EMID1: variants seen among roughly 807,000 people sequenced by gnomAD.
EMID1 encodes the protein EMI domain containing 1, also known as EMI domain-containing protein 1.
EMID1 carries 40 observed loss-of-function variants against 60.6 expected under a neutral mutation model. The observed-to-expected ratio is 0.66, with a 90% CI of 0.51 to 0.86. The LOEUF (loss-of-function observed/expected upper bound fraction) is 0.86, where lower values mean the gene tolerates loss of function less well. EMID1 is among the 40% of genes least tolerant of loss of function. The probability of loss-of-function intolerance (pLI) is 0.00; values close to 1 mark genes in which losing one functional copy is unlikely to be tolerated. For synonymous variants in EMID1, 242 were observed against 231.0 expected (o/e 1.05, Z -0.43); for missense variants, 585 against 597.1 (o/e 0.98, Z 0.21).
intron 1 of EMID1, among the ~76,000 whole-genome samples, chr22:29,211,817 G>T (rs2039896475): frequency 6.6e-6 from 1 of 152,188 alleles, no homozygotes; most frequent in African/African-American, 2.4e-5. Context: ...AAGCCCCTGG[G>T]CCAGCCTGGT....
At chr22:29,234,240 G>A (rs1270251199) in intron 11 of EMID1, 41 bp downstream of exon 11, 3 of 1,610,318 alleles carry the variant, frequency 1.9e-6, no homozygotes, top group East Asian at 2.2e-5. Flanking sequence ...ATTCTGGGGA[G>A]TCCTGAGGGC....
At chr22:29,257,136 C>T (rs1025357686) in intron 14 of EMID1, among the ~76,000 whole-genome samples, 2 of 152,184 alleles carry the variant, frequency 1.3e-5, no homozygotes, top group Non-Finnish European at 2.9e-5. Flanking sequence ...GTGCCAGACA[C>T]CTCAGAAGTC....
intron 13 of EMID1, among the ~76,000 whole-genome samples, chr22:29,244,823 T>G (rs145501185): frequency 6.6e-6 from 1 of 152,106 alleles, no homozygotes; most frequent in African/African-American, 2.4e-5. Context: ...AAACCATCAC[T>G]GACAGGGGAG....
At chr22:29,240,844 C>A (rs1412706087) in intron 12 of EMID1, among the ~76,000 whole-genome samples, 2 of 152,180 alleles carry the variant, frequency 1.3e-5, no homozygotes, top group Non-Finnish European at 2.9e-5. Flanking sequence ...CTCAAACTGT[C>A]TTTTCTCATT....
chr22:29,258,678 C>T, intron 14 of EMID1, 139 bp from the exon 15 acceptor site: 4 of 1,351,748 alleles, frequency 3.0e-6, no homozygotes, highest in East Asian at 2.5e-5. Flanking sequence ...CCCTTTCCCA[C>T]AGCTCTGCAG....
chr22:29,233,057 A>G (rs780069485), intron 8 of EMID1: 3 of 369,242 alleles, frequency 8.1e-6, no homozygotes, highest in East Asian at 5.0e-5. Context: ...GAAGCCTGGC[A>G]CACAGTAGGT....
chr22:29,255,312 G>A (rs1234993716), intron 14 of EMID1: 1 of 1,520,902 alleles, frequency 6.6e-7, no homozygotes, highest in East Asian at 2.5e-5. Flanking sequence ...AGGCTCAGCT[G>A]GAGCTCCTGG....
At chr22:29,220,404 T>C (rs2040248787) in intron 3 of EMID1, among the ~76,000 whole-genome samples, 1 of 151,826 alleles carries the variant, frequency 6.6e-6, no homozygotes, top group African/African-American at 2.4e-5. Flanking sequence ...GGCTGGAGAG[T>C]TTTTGGAGCT....
Position 29,250,759 on chromosome 22 carries a change from T to C in EMID1, c.1120-3444T>C, listed in dbSNP as rs1218178882. Among the ~76,000 whole-genome samples the C allele has an allele frequency of 3.1e-5, 4 of 129,956 alleles. No homozygotes were observed. In the East Asian group the frequency reaches 9.6e-4, roughly 31 times the overall value. The allele number at this position is 129,956 out of a possible 152,430, so 85.3% of individuals were successfully genotyped here. A position where few individuals can be genotyped will look rare whatever the true frequency, so the allele number is the denominator to read the frequency against. ...TTTTTTTTTTTTTTTTTTTTTTTTT[T>C]TTTTTTTTTAGTAGTAGTAGAGACA... On this transcript the variant is annotated intron_variant, in intron 13 of 14. Coordinates refer to ENST00000334018, the MANE Select transcript of EMID1 (RefSeq NM_133455.4).
intron 5 of EMID1, among the ~76,000 whole-genome samples, chr22:29,226,962 C>T (rs1190310416): frequency 6.6e-6 from 1 of 152,174 alleles, no homozygotes; most frequent in African/African-American, 2.4e-5. Context: ...GGTAGGATCT[C>T]CTGCCTGCCC....
chr22:29,219,329 C>T (rs2040202619), intron 3 of EMID1, among the ~76,000 whole-genome samples: 1 of 152,204 alleles, frequency 6.6e-6, no homozygotes, highest in Non-Finnish European at 1.5e-5. Context: ...CTCCCCTCCC[C>T]ATGGGCCCCC....
chr22:29,250,499 C>T (rs1162814718), intron 13 of EMID1, among the ~76,000 whole-genome samples: 1 of 152,148 alleles, frequency 6.6e-6, no homozygotes, highest in Non-Finnish European at 1.5e-5. Flanking sequence ...CGTTAGGAAG[C>T]TCATGATGTC....
intron 12 of EMID1, among the ~76,000 whole-genome samples, chr22:29,242,257 A>G (rs933334772): frequency 2.0e-5 from 3 of 152,126 alleles, no homozygotes; most frequent in Admixed American, 6.6e-5. Context: ...CCATTGATCT[A>G]TGTTCAAGTT....
At position 29,232,262 on chromosome 22, in the gene EMID1, A is replaced by G. The variant is rs781725508; in HGVS notation, c.683A>G (p.Gln228Arg). The G allele has an allele frequency of 1.4e-5, 22 of 1,611,562 alleles. No individual in the cohort carries two copies. Among genetic ancestry groups the G allele is most frequent in the Non-Finnish European group, 1.8e-5 (21 of 1,179,748 alleles). The change falls in exon 8 of 15, where the codon CAG becomes CGG. Residue 228 changes from glutamine (Q) to arginine (R), a missense_variant. By Grantham distance (43) the Gln-to-Arg change is conservative. Coordinates refer to ENST00000334018, the MANE Select transcript of EMID1 (RefSeq NM_133455.4). ...PMGMRGPPGP[Q>R]GPPGSPGRAG... ...CCGTGTGATTCCATTGCAGGTCCAC[A>G]GGGCCCCCCAGGGAGCCCTGGCCGG...
intron 2 of EMID1, 126 bp from the exon 3 acceptor site, chr22:29,215,401 C>A: frequency 7.9e-7 from 1 of 1,271,092 alleles, no homozygotes; most frequent in Non-Finnish European, 1.1e-6. Flanking sequence ...AGGAGAGAGC[C>A]TCCAAAGGGA....
At chr22:29,239,803 GCA>G (rs2041090369) in intron 12 of EMID1, among the ~76,000 whole-genome samples, 1 of 150,840 alleles carries the variant, frequency 6.6e-6, no homozygotes. Flanking sequence ...TGTCTCCCAG[GCA>G]CTGGAGTGCA....
In EMID1 at chr22:29,219,379, T is replaced by C. The variant is rs765785689; in HGVS notation, c.319+3749T>C. On this transcript the variant is annotated intron_variant, in intron 3 of 14. Coordinates refer to ENST00000334018, the MANE Select transcript of EMID1 (RefSeq NM_133455.4). ...CTCTGCTTCCCCCTCATAGGTCCCA[T>C]TGTCCCCAGCATACATATTCCTTCC... 2.6e-5 allele frequency among the ~76,000 whole-genome samples: 4 copies of C among 151,376 alleles called. No homozygotes were observed. In the East Asian group the frequency reaches 5.9e-4, roughly 22 times the overall value.
At chr22:29,254,068 C>T (rs2041619126) in intron 13 of EMID1, 135 bp from the exon 14 acceptor site, 1 of 1,551,486 alleles carries the variant, frequency 6.4e-7, no homozygotes, top group African/African-American at 1.4e-5. Context: ...TTCTGGCTGT[C>T]CATGGACCCT....
chr22:29,219,440 A>C (rs2040208377), intron 3 of EMID1, among the ~76,000 whole-genome samples: 1 of 152,118 alleles, frequency 6.6e-6, no homozygotes, highest in African/African-American at 2.4e-5. Context: ...GTCTTCCAAG[A>C]AGAGGAACCA....
Sources: gnomAD v4.1 joint callset for allele counts (sites outside exome capture counted in the v4.1 genomes callset) on GRCh38, gnomAD v4.1.1 for gene constraint, MANE v1.5 for transcripts, NCBI Gene and HGNC (gene_info 2026-07-23, HGNC 2026-07-21) for gene names.